ECM1: variants seen among roughly 807,000 people sequenced by gnomAD.
The protein encoded by ECM1 is extracellular matrix protein 1.
Under a neutral mutation model 57.9 loss-of-function variants are expected in ECM1, and 54 were observed. The ratio of observed to expected loss-of-function variants is 0.93; its 90% CI spans 0.75 to 1.17. ECM1 has a LOEUF of 1.17. ECM1 is among the 50% of genes most tolerant of loss of function. The pLI, the probability that ECM1 is intolerant of heterozygous loss-of-function variation, is 0.00. For synonymous variants in ECM1, 237 were observed against 259.1 expected, an observed-to-expected ratio of 0.91 and a Z score of 0.82; for missense variants, 649 against 688.1, an observed-to-expected ratio of 0.94 and a Z score of 0.64.
intron 5 of ECM1, 174 bp from the exon 6 acceptor site, chr1:150,510,702 C>T: frequency 1.3e-6 from 1 of 742,052 alleles, no homozygotes; most frequent in Non-Finnish European, 2.3e-6. Flanking sequence ...CACCTCGCTT[C>T]TCTTTTCCTT....
At position 150,512,445 on chromosome 1, in the gene ECM1, G is replaced by C; in HGVS notation, c.1177G>C (p.Asp393His). 1 of 1,613,608 alleles carries C rather than the reference G, an allele frequency of 6.2e-7. No individual in the cohort carries two copies. The highest frequency in any genetic ancestry group is 8.5e-7 in the Non-Finnish European group (1 of 1,179,948). ...CCGCCACCCTCCCAGCCCTACTCGG[G>C]ATGAGTGCTTTGCCCGTCGGGCTCC... Reference protein sequence around the residue: ...CCRHPPSPTRDECFARRAPYP... With the variant: ...CCRHPPSPTRHECFARRAPYP... Residue 393 changes from aspartate to histidine, a missense_variant, in exon 8 of 10, where the codon GAT becomes CAT. Coordinates refer to ENST00000369047, the MANE Select transcript of ECM1 (RefSeq NM_004425.4).
At chr1:150,508,463 CAGA>C (rs1670336840) in intron 1 of ECM1, among the ~76,000 whole-genome samples, 184 bp downstream of exon 1, 2 of 152,182 alleles carry the variant, frequency 1.3e-5, no homozygotes, top group South Asian at 4.1e-4. Flanking sequence ...AGCAGGGGCA[CAGA>C]AGGAGAGGGG....
chr1:150,510,677 A>T (rs1041132259), intron 5 of ECM1, 199 bp from the exon 6 acceptor site: 3 of 662,178 alleles, frequency 4.5e-6, no homozygotes, highest in Non-Finnish European at 8.0e-6. Flanking sequence ...GCAGGCTGTG[A>T]GCTGACACCT....
At position 150,513,727 on chromosome 1, in the gene ECM1, C is replaced by T; in HGVS notation, c.*260C>T. The T allele has an allele frequency of 4.5e-6, 2 of 440,134 alleles. No individual in the cohort carries two copies. 27.3% of individuals were successfully genotyped at this position (440,134 alleles called of 1,614,324 possible). A position where few individuals can be genotyped will look rare whatever the true frequency, so the allele number is the denominator to read the frequency against. ...GGCCCCTGAGGCCCACGGCCCTGCC[C>T]CCTTCACTGAGCAGATGTTCACAGG... On this transcript the variant is annotated 3_prime_UTR_variant, in exon 10 of 10. Coordinates refer to ENST00000369047, the MANE Select transcript of ECM1 (RefSeq NM_004425.4).
chr1:150,512,263 C>T (rs1408073008), intron 7 of ECM1, 89 bp from the exon 8 acceptor site: 1 of 1,451,796 alleles, frequency 6.9e-7, no homozygotes, highest in Non-Finnish European at 9.6e-7. Flanking sequence ...AGCCCCTCAT[C>T]TAGTTGCCAG....
At position 150,510,944 on chromosome 1, in the gene ECM1, C is replaced by A. The variant is rs1465602121; in HGVS notation, c.454C>A (p.Gln152Lys). 1 of 1,614,186 alleles carries A rather than the reference C, an allele frequency of 6.2e-7. No homozygotes were observed. The highest frequency in any genetic ancestry group is 1.7e-5 in the Admixed American group (1 of 60,006). The change falls in exon 6 of 10, where the codon CAA becomes AAA. Residue 152 changes from glutamine (Q) to lysine (K), a missense_variant. Gln to Lys is a moderately conservative substitution (Grantham distance 53, BLOSUM62 1). Transcript: ENST00000369047. ...PESWNAAQHC[Q>K]QDRSQGGWGH... ...GTCCTGGAATGCAGCCCAGCACTGCCAACAGGACCGGTCCCAAGGGGGCTG... is the reference window on the plus strand; with the variant it reads ...GTCCTGGAATGCAGCCCAGCACTGCAAACAGGACCGGTCCCAAGGGGGCTG...
In ECM1 at chr1:150,510,871, T is replaced by G. The variant is rs376927252; in HGVS notation, c.386-5T>G. The stretch of plus-strand genomic sequence containing the variant: ...CCCCGCTTCCCACTGTTTTCCCCAT[T>G]CCAGGAACGCCAGCTCCATTTGGGG... On this transcript the variant is annotated splice_polypyrimidine_tract_variant and splice_region_variant and intron_variant, in intron 5 of 9. Coordinates refer to ENST00000369047, the MANE Select transcript of ECM1 (RefSeq NM_004425.4). 4.3e-4 allele frequency: 702 copies of G among 1,613,888 alleles called. 2 individuals carry two copies. The highest frequency in any genetic ancestry group is 5.6e-4 in the Non-Finnish European group (664 of 1,179,960).
At chr1:150,509,867 T>C in intron 3 of ECM1, 55 bp from the exon 4 acceptor site, 1 of 1,613,760 alleles carries the variant, frequency 6.2e-7, no homozygotes, top group Non-Finnish European at 8.5e-7. Context: ...TCGCCCCCAC[T>C]CCCAGCCCTG....
chr1:150,510,041 A>C, intron 4 of ECM1, 39 bp downstream of exon 4: 1 of 1,613,878 alleles, frequency 6.2e-7, no homozygotes, highest in Non-Finnish European at 8.5e-7. Context: ...CTATCCCACT[A>C]TGGATCCTGT....
rs1236127573 is a variant in ECM1, at chr1:150,511,620, T to A, written c.872T>A (p.Ile291Asn). The A allele has an allele frequency of 3.1e-6, 5 of 1,614,124 alleles. No individual in the cohort carries two copies. The highest frequency in any genetic ancestry group is 4.2e-6 in the Non-Finnish European group (5 of 1,180,002). ...LRACPSHQPDISSGLELPFPP... is the reference protein window; with the variant it reads ...LRACPSHQPDNSSGLELPFPP... ...GCCTGCCCCAGCCATCAGCCTGATATTTCCTCGGGTCTTGAGCTGCCTTTC... is the reference window on the plus strand; with the variant it reads ...GCCTGCCCCAGCCATCAGCCTGATAATTCCTCGGGTCTTGAGCTGCCTTTC... Residue 291 changes from isoleucine to asparagine, a missense_variant, in exon 7 of 10, where the codon ATT (isoleucine) becomes AAT (asparagine). Transcript: ENST00000369047.
intron 7 of ECM1, 146 bp downstream of exon 7, chr1:150,511,977 A>G (rs892906405): frequency 1.7e-6 from 2 of 1,182,680 alleles, no homozygotes; most frequent in Non-Finnish European, 2.3e-6. Flanking sequence ...CCGTCCATCC[A>G]TTGTGTTTGT....
chr1:150,512,437 C>T lies in ECM1; in HGVS notation c.1169C>T (p.Pro390Leu). 1.9e-6 allele frequency: 3 copies of T among 1,613,742 alleles called. No homozygotes were observed. In the South Asian group the frequency reaches 3.3e-5, roughly 18 times the overall value. The change falls in exon 8 of 10, where the codon CCT becomes CTT. Residue 390 changes from proline (P) to leucine (L), a missense_variant. Physicochemically the swap from Pro to Leu is moderately conservative, Grantham distance 98 (BLOSUM62 -3). Coordinates refer to ENST00000369047, the MANE Select transcript of ECM1 (RefSeq NM_004425.4). ...TTGTGTTGCCGCCACCCTCCCAGCC[C>T]TACTCGGGATGAGTGCTTTGCCCGT... ...HHLCCRHPPS[P>L]TRDECFARRA... is the part of the protein sequence containing the mutation.
intron 9 of ECM1, 120 bp downstream of exon 9, chr1:150,512,932 G>A (rs587736177): frequency 1.7e-6 from 2 of 1,162,988 alleles, no homozygotes; most frequent in Non-Finnish European, 2.6e-6. Context: ...ATGACTAGTG[G>A]GGGAGGTGTT....
chr1:150,508,230 A>C lies in ECM1; in HGVS notation c.21A>C (p.Ala7=). 6.2e-7 allele frequency: 1 copy of C among 1,614,108 alleles called. No individual in the cohort carries two copies. Among genetic ancestry groups the C allele is most frequent in the Non-Finnish European group, 8.5e-7 (1 of 1,180,044 alleles). Residue 7 remains alanine, a synonymous_variant, in exon 1 of 10, where the codon GCA becomes GCC. Coordinates refer to ENST00000369047, the MANE Select transcript of ECM1 (RefSeq NM_004425.4). ...CCAGGATGGGGACCACAGCCAGAGC[A>C]GCCTTGGTCTTGACCTATTTGGCTG... MGTTAR[A]ALVLTYLAVA... is the part of the protein sequence containing the mutation.
intron 5 of ECM1, chr1:150,510,638 C>T (rs914901898): frequency 1.3e-5 from 8 of 609,366 alleles, no homozygotes; most frequent in South Asian, 3.8e-5. Flanking sequence ...GCAGGAAGCC[C>T]GAGCCTTGAG....
intron 2 of ECM1, 23 bp from the exon 3 acceptor site, chr1:150,509,638 G>A (rs1363737211): frequency 8.7e-6 from 14 of 1,613,812 alleles, no homozygotes; most frequent in Non-Finnish European, 1.2e-5. Context: ...TGTGGGCTCT[G>A]ATGTCTCCCC....
At chr1:150,509,096 G>A (rs757278792) in intron 1 of ECM1, among the ~76,000 whole-genome samples, 1 of 152,220 alleles carries the variant, frequency 6.6e-6, no homozygotes, top group Non-Finnish European at 1.5e-5. Context: ...AGGGCCTGGA[G>A]TAGGAGGGTG....
chr1:150,512,940 G>A (rs1670483701), intron 9 of ECM1, 128 bp downstream of exon 9: 3 of 1,112,658 alleles, frequency 2.7e-6, no homozygotes, highest in Non-Finnish European at 4.0e-6. Flanking sequence ...TGGGGGAGGT[G>A]TTTTTTTCTT....
At position 150,509,755 on chromosome 1, in the gene ECM1, G is replaced by C. The variant is rs760631999; in HGVS notation, c.216G>C (p.Gln72His). The C allele has an allele frequency of 1.9e-6, 3 of 1,602,584 alleles. No individual in the cohort carries two copies. In the South Asian group the frequency reaches 3.3e-5, roughly 18 times the overall value. Residue 72 changes from glutamine (Q) to histidine (H), a missense_variant, in exon 3 of 10, where the codon CAG becomes CAC. Transcript: ENST00000369047. The part of the protein sequence containing the change: ...SSQHGPPFEG[Q>H]SQVQPPPSQE... ...AGCATGGCCCTCCCTTTGAGGGACA[G>C]AGTCAAGGTAAGGTCACCATCCCAT...
Sources: gnomAD v4.1 joint callset for allele counts (sites outside exome capture counted in the v4.1 genomes callset) on GRCh38, gnomAD v4.1.1 for gene constraint, MANE v1.5 for transcripts, NCBI Gene and HGNC (gene_info 2026-07-23, HGNC 2026-07-21) for gene names.